The following BAALC variants were observed in gnomAD, a reference collection of about 807,000 sequenced individuals.
The protein encoded by BAALC is BAALC binder of MAP3K1 and KLF4, also known as brain and acute leukemia cytoplasmic protein.
Under a neutral mutation model 15.5 loss-of-function variants are expected in BAALC, and 9 were observed. That is an observed-to-expected ratio of 0.58 (90% CI 0.35 to 1.02). The LOEUF (loss-of-function observed/expected upper bound fraction) is 1.02. Ranked by LOEUF, BAALC falls within the 50% of genes least tolerant of loss-of-function variation. The pLI, the probability that BAALC is intolerant of heterozygous loss-of-function variation, is 0.02. For missense variants in BAALC, 201 were observed against 192.4 expected (o/e 1.04, Z -0.27); for synonymous variants, 80 against 74.6 (o/e 1.07, Z -0.37).
chr8:103,153,676 T>C (rs1811028155), intron 1 of BAALC, among the ~76,000 whole-genome samples: 1 of 152,192 alleles, frequency 6.6e-6, no homozygotes, highest in Admixed American at 6.5e-5. Context: ...GTGGGAACAT[T>C]TGTGGGTGTC....
intron 2 of BAALC, among the ~76,000 whole-genome samples, chr8:103,225,003 G>A (rs1482249037): frequency 1.3e-5 from 2 of 152,144 alleles, no homozygotes; most frequent in Non-Finnish European, 2.9e-5. Context: ...AGGACAGGAG[G>A]AGTTAAAGAC....
At chr8:103,212,253 T>C (rs1812462858) in intron 1 of BAALC, among the ~76,000 whole-genome samples, 1 of 152,136 alleles carries the variant, frequency 6.6e-6, no homozygotes, top group African/African-American at 2.4e-5. Context: ...AAGACCAGCC[T>C]GGGCAACATA....
intron 1 of BAALC, among the ~76,000 whole-genome samples, chr8:103,207,063 C>T (rs1027508309): frequency 1.1e-4 from 16 of 152,260 alleles, no homozygotes; most frequent in African/African-American, 2.6e-4. Context: ...CAGGGGTGAG[C>T]TGTTAGCTAC....
intron 1 of BAALC, among the ~76,000 whole-genome samples, chr8:103,189,843 T>G (rs533972727): frequency 6.6e-6 from 1 of 152,032 alleles, no homozygotes; most frequent in Non-Finnish European, 1.5e-5. Flanking sequence ...CAATACGGTG[T>G]GAGGGAGAAA....
At chr8:103,209,416 C>A (rs537742350) in intron 1 of BAALC, among the ~76,000 whole-genome samples, 1 of 152,208 alleles carries the variant, frequency 6.6e-6, no homozygotes, top group South Asian at 2.1e-4. Flanking sequence ...GGGGAGACAG[C>A]AAGCAAAGGG....
At chr8:103,166,759 A>G (rs1361209190) in intron 1 of BAALC, among the ~76,000 whole-genome samples, 1 of 152,202 alleles carries the variant, frequency 6.6e-6, no homozygotes, top group Non-Finnish European at 1.5e-5. Context: ...AAGCCTGGTA[A>G]TAATCCTCTT....
At chr8:103,206,175 A>C (rs1812324727) in intron 1 of BAALC, among the ~76,000 whole-genome samples, 1 of 152,174 alleles carries the variant, frequency 6.6e-6, no homozygotes, top group Non-Finnish European at 1.5e-5. Context: ...GCCTTCCCAG[A>C]AACACTGTGA....
At chr8:103,219,539 G>A (rs1214080109) in intron 2 of BAALC, 2 of 152,152 alleles carry the variant, frequency 1.3e-5, no homozygotes, top group Admixed American at 6.5e-5. Flanking sequence ...TTTGGCACTC[G>A]ATACAAACTC....
intron 2 of BAALC, 128 bp from the exon 3 acceptor site, chr8:103,227,861 T>C: frequency 1.5e-6 from 1 of 649,172 alleles, no homozygotes; most frequent in South Asian, 2.0e-5. Flanking sequence ...CTGTGATTTA[T>C]GTTCCTTTTT....
At chr8:103,206,495 G>A (rs866867282) in intron 1 of BAALC, among the ~76,000 whole-genome samples, 7 of 152,196 alleles carry the variant, frequency 4.6e-5, no homozygotes, top group Middle Eastern at 3.4e-3. Context: ...TCAATGTGCC[G>A]CCGCAGACCC....
intron 1 of BAALC, among the ~76,000 whole-genome samples, chr8:103,209,563 C>A (rs1299032505): frequency 6.6e-6 from 1 of 152,158 alleles, no homozygotes; most frequent in South Asian, 2.1e-4. Context: ...TGAGCCCCAC[C>A]CTTCCCACAG....
chr8:103,175,272 T>C (rs1049545522), intron 1 of BAALC, among the ~76,000 whole-genome samples: 1 of 152,184 alleles, frequency 6.6e-6, no homozygotes, highest in African/African-American at 2.4e-5. Flanking sequence ...AATCCTCTAA[T>C]AGTGTGAACT....
intron 1 of BAALC, among the ~76,000 whole-genome samples, chr8:103,205,538 T>TGATAGATAGATA (rs559280836): frequency 2.0e-5 from 3 of 151,964 alleles, no homozygotes; most frequent in African/African-American, 7.3e-5. Flanking sequence ...GATAGATAGA[T>TGATAGATAGATA]GATAGATAGA....
At chr8:103,151,111 G>C (rs1389649606) in intron 1 of BAALC, among the ~76,000 whole-genome samples, 1 of 151,696 alleles carries the variant, frequency 6.6e-6, no homozygotes, top group African/African-American at 2.4e-5. Context: ...TCTGCCTCCT[G>C]GGTTCAAGCG....
rs542474962 is a variant in BAALC at position 103,145,455 on chromosome 8, C to T, written c.160+4398C>T. On this transcript the variant is annotated intron_variant, in intron 1 of 2. Coordinates refer to ENST00000309982, the MANE Select transcript of BAALC (RefSeq NM_024812.3). The stretch of plus-strand genomic sequence containing the variant: ...GACCACATTCTCTAAATACACTACT[C>T]GGTTTGTCAAAGTCCCTCTTGATAC... Among the ~76,000 whole-genome samples, 17 of 152,322 alleles carry T rather than the reference C, an allele frequency of 1.1e-4. No homozygotes were observed. In the South Asian group the frequency reaches 2.9e-3, roughly 26 times the overall value.
chr8:103,179,036 C>T (rs960092272), intron 1 of BAALC, among the ~76,000 whole-genome samples: 8 of 152,104 alleles, frequency 5.3e-5, no homozygotes, highest in Admixed American at 2.0e-4. Flanking sequence ...CAAAAAAATT[C>T]CACAAAACCC....
chr8:103,220,625 G>T (rs1812656079), intron 2 of BAALC, among the ~76,000 whole-genome samples: 1 of 152,158 alleles, frequency 6.6e-6, no homozygotes, highest in African/African-American at 2.4e-5. Context: ...AAAAATAAAT[G>T]CATAATTTAA....
chr8:103,196,118 A>C (rs1461617724), intron 1 of BAALC, among the ~76,000 whole-genome samples: 1 of 152,230 alleles, frequency 6.6e-6, no homozygotes, highest in African/African-American at 2.4e-5. Context: ...GCTGGAGCAT[A>C]GAGGACAGAG....
intron 1 of BAALC, among the ~76,000 whole-genome samples, chr8:103,208,679 G>T (rs936512189): frequency 6.6e-6 from 1 of 152,166 alleles, no homozygotes. Context: ...ATGGACAATG[G>T]AGCGTGTCCC....
Sources: allele counts gnomAD v4.1 joint callset (sites outside exome capture counted in the v4.1 genomes callset), GRCh38; gene constraint gnomAD v4.1.1; transcripts MANE v1.5; gene names NCBI Gene and HGNC (gene_info 2026-07-23, HGNC 2026-07-21).